RUNX2: variants seen among roughly 807,000 people sequenced by gnomAD.
RUNX2 encodes runt-related transcription factor 2.
RUNX2 carries 10 observed loss-of-function variants against 51.7 expected under a neutral mutation model. The observed-to-expected ratio is 0.19, with a 90% confidence interval of 0.12 to 0.33. The LOEUF is 0.33. Among genes scored for constraint, RUNX2 ranks in the 10% least tolerant of loss-of-function variants. The probability of loss-of-function intolerance (pLI) is 1.00; values close to 1 mark genes in which losing one functional copy is unlikely to be tolerated. For missense variants in RUNX2, 562 were observed against 691.3 expected (o/e 0.81, Z 2.10); for synonymous variants, 276 against 273.6 (o/e 1.01, Z -0.09).
chr6:45,480,132 T>C (rs1040118873), intron 5 of RUNX2, among the ~76,000 whole-genome samples: 1 of 152,226 alleles, frequency 6.6e-6, no homozygotes, highest in African/African-American at 2.4e-5. Flanking sequence ...AAAGCAATTA[T>C]CTGTCTATCA....
rs558749971 is a variant in RUNX2 at position 45,391,479 on chromosome 6, T to A, written c.59-31114T>A. On this transcript the variant is annotated intron_variant, in intron 2 of 8. Transcript: ENST00000647337. ...ATGAACCAATTAAACCTTTTTTCTT[T>A]ATAAATTACCCAGCCTCAGGTATTT... 1.2e-4 allele frequency among the ~76,000 whole-genome samples: 19 copies of A among 152,310 alleles called. No individual in the cohort carries two copies. In the South Asian group the frequency reaches 3.7e-3, roughly 30 times the overall value.
rs116554943 is a variant in RUNX2, at chr6:45,519,360, G to A, written c.1021+6953G>A. ...ATCTTGCATTTGTGTGATGTTTGAT[G>A]TAATTGATGAACCAATATTGATACA... On this transcript the variant is annotated intron_variant, in intron 7 of 8. Transcript: ENST00000647337. 5.6e-3 allele frequency among the ~76,000 whole-genome samples: 857 copies of A among 152,252 alleles called. 11 individuals are homozygous for A. Among genetic ancestry groups the A allele is most frequent in the African/African-American group, 0.019 (795 of 41,530 alleles).
In RUNX2 at chr6:45,431,880, G is replaced by C. The variant is rs760361518; in HGVS notation, c.441G>C (p.Glu147Asp). The stretch of plus-strand genomic sequence containing the variant: ...TTATGTAGGTGGTAGCCCTCGGAGA[G>C]GTACCAGATGGGACTGTGGTTACTG... ...PVAFKVVALG[E>D]VPDGTVVTVM... Residue 147 changes from glutamate (E) to aspartate (D), a missense_variant, in exon 4 of 9, where the codon GAG (glutamate) becomes GAC (aspartate). By Grantham distance (45) the Glu-to-Asp change is conservative (BLOSUM62 2). Coordinates refer to ENST00000647337, the MANE Select transcript of RUNX2 (RefSeq NM_001024630.4). The C allele has an allele frequency of 6.2e-7, 1 of 1,614,156 alleles. No homozygotes were observed. Among genetic ancestry groups the C allele is most frequent in the African/African-American group, 1.3e-5 (1 of 75,046 alleles).
At chr6:45,477,214 G>T (rs781608027) in intron 5 of RUNX2, among the ~76,000 whole-genome samples, 5 of 152,034 alleles carry the variant, frequency 3.3e-5, no homozygotes, top group Non-Finnish European at 5.9e-5. Flanking sequence ...CCTCTTCCTT[G>T]CCTAGCCACC....
At chr6:45,480,838 C>T (rs975948222) in intron 5 of RUNX2, among the ~76,000 whole-genome samples, 5 of 152,298 alleles carry the variant, frequency 3.3e-5, no homozygotes, top group Admixed American at 2.0e-4. Flanking sequence ...AGAAATTCTC[C>T]GCCTCCTTTT....
intron 2 of RUNX2, among the ~76,000 whole-genome samples, chr6:45,351,796 T>C (rs1410724425): frequency 1.3e-5 from 2 of 152,112 alleles, no homozygotes; most frequent in Admixed American, 1.3e-4. Context: ...GCCCTTCAAA[T>C]ACCTAAATTA....
At chr6:45,348,280 T>C (rs1165996549) in intron 2 of RUNX2, among the ~76,000 whole-genome samples, 2 of 152,052 alleles carry the variant, frequency 1.3e-5, no homozygotes, top group Non-Finnish European at 2.9e-5. Context: ...TGGATGACTC[T>C]GGAAAGCTAT....
At chr6:45,434,264 A>T (rs1470965420) in intron 4 of RUNX2, among the ~76,000 whole-genome samples, 1 of 152,090 alleles carries the variant, frequency 6.6e-6, no homozygotes, top group Non-Finnish European at 1.5e-5. Context: ...TACCCTTTGT[A>T]CCTGACCTGC....
At chr6:45,466,908 T>G (rs1799649834) in intron 5 of RUNX2, among the ~76,000 whole-genome samples, 1 of 152,362 alleles carries the variant, frequency 6.6e-6, no homozygotes, top group South Asian at 2.1e-4. Flanking sequence ...GGTCAGATTG[T>G]GCTAAAACAT....
chr6:45,356,319 AAC>A (rs758790477), intron 2 of RUNX2, among the ~76,000 whole-genome samples: 6 of 152,222 alleles, frequency 3.9e-5, no homozygotes, highest in African/African-American at 1.2e-4. Flanking sequence ...GTATATTAAA[AAC>A]ACACACACAT....
At chr6:45,527,033 T>C (rs1384072382) in intron 7 of RUNX2, among the ~76,000 whole-genome samples, 2 of 151,964 alleles carry the variant, frequency 1.3e-5, no homozygotes, top group African/African-American at 2.4e-5. Flanking sequence ...AGAAGTAAAA[T>C]AGAGTGATGT....
intron 2 of RUNX2, among the ~76,000 whole-genome samples, chr6:45,362,968 GGTTT>G (rs1794521107): frequency 6.6e-6 from 1 of 151,404 alleles, no homozygotes; most frequent in African/African-American, 2.4e-5. Flanking sequence ...GGAACAGTTT[GGTTT>G]TTTTAATATT....
chr6:45,464,498 A>G (rs1300930325), intron 5 of RUNX2, among the ~76,000 whole-genome samples: 1 of 152,170 alleles, frequency 6.6e-6, no homozygotes, highest in Admixed American at 6.5e-5. Context: ...CTTTTTGATA[A>G]GTGTCAGCAT....
intron 3 of RUNX2, among the ~76,000 whole-genome samples, chr6:45,429,986 C>T (rs1482882319): frequency 2.0e-5 from 3 of 151,442 alleles, no homozygotes; most frequent in Admixed American, 1.3e-4. Flanking sequence ...CCCAGCTACT[C>T]GGGAGGCTGA....
intron 2 of RUNX2, among the ~76,000 whole-genome samples, chr6:45,397,107 C>CTT (rs548405066): frequency 4.9e-5 from 7 of 143,690 alleles, no homozygotes; most frequent in Non-Finnish European, 9.2e-5. Context: ...ATATTTAAAA[C>CTT]TTTTTTTTTT....
intron 4 of RUNX2, among the ~76,000 whole-genome samples, chr6:45,435,440 C>T (rs1798655462): frequency 6.6e-6 from 1 of 152,178 alleles, no homozygotes; most frequent in South Asian, 2.1e-4. Flanking sequence ...TCACTATAAC[C>T]TCCGCCTCCT....
At chr6:45,479,283 G>A (rs577284833) in intron 5 of RUNX2, among the ~76,000 whole-genome samples, 1 of 152,292 alleles carries the variant, frequency 6.6e-6, no homozygotes, top group East Asian at 1.9e-4. Flanking sequence ...GAGCTTCATA[G>A]GTTCTTCGGT....
intron 7 of RUNX2, among the ~76,000 whole-genome samples, chr6:45,530,980 A>T (rs369872930): frequency 6.6e-6 from 1 of 152,318 alleles, no homozygotes; most frequent in East Asian, 1.9e-4. Context: ...ACTTTCATAG[A>T]CATTATTTCA....
chr6:45,399,902 C>T (rs544524291), intron 2 of RUNX2, among the ~76,000 whole-genome samples: 49 of 143,450 alleles, frequency 3.4e-4, no homozygotes, highest in Non-Finnish European at 5.9e-4. Flanking sequence ...TGCCTCCAGC[C>T]ATATTGTTTG....
Sources: allele counts gnomAD v4.1 joint callset (sites outside exome capture counted in the v4.1 genomes callset), GRCh38; gene constraint gnomAD v4.1.1; transcripts MANE v1.5; gene names NCBI Gene and HGNC (gene_info 2026-07-23, HGNC 2026-07-21).